Variants in SMG1 observed in about 807,000 individuals in gnomAD.
SMG1 encodes the protein SMG1 nonsense mediated mRNA decay associated PI3K related kinase.
Under a neutral mutation model 419.9 loss-of-function variants are expected in SMG1, and 22 were observed. The observed-to-expected ratio is 0.05, with a 90% CI of 0.04 to 0.07. The LOEUF is 0.07. Among genes scored for constraint, SMG1 ranks in the 10% least tolerant of loss-of-function variants. SMG1 has a pLI of 1.00. For missense variants in SMG1, 3,185 were observed against 4,342.0 expected (o/e 0.73, Z 7.49); for synonymous variants, 1,538 against 1,553.5 (o/e 0.99, Z 0.23).
chr16:18,845,251 A>G (rs769526746), intron 39 of SMG1, among the ~76,000 whole-genome samples, 178 bp downstream of exon 39: 1 of 152,216 alleles, frequency 6.6e-6, no homozygotes, highest in Non-Finnish European at 1.5e-5. Flanking sequence ...ACTGATTTCC[A>G]AATTCTTAAA....
chr16:18,884,483 C>T (rs1030345259), intron 8 of SMG1, among the ~76,000 whole-genome samples: 2 of 152,126 alleles, frequency 1.3e-5, no homozygotes, highest in African/African-American at 4.8e-5. Context: ...CTACCATTGG[C>T]CCAGCTAATC....
chr16:18,910,882 G>A (rs866441275), intron 1 of SMG1, among the ~76,000 whole-genome samples: 26 of 152,078 alleles, frequency 1.7e-4, no homozygotes, highest in Middle Eastern at 3.4e-3. Flanking sequence ...CTACACCAGA[G>A]GGAAAAAAGC....
At chr16:18,910,568 T>C (rs541126325) in intron 1 of SMG1, among the ~76,000 whole-genome samples, 2 of 152,048 alleles carry the variant, frequency 1.3e-5, no homozygotes, top group East Asian at 3.9e-4. Context: ...TCTCACTATG[T>C]TACCCAGGCT....
intron 18 of SMG1, among the ~76,000 whole-genome samples, 186 bp from the exon 19 acceptor site, chr16:18,870,180 T>C (rs755727013): frequency 3.0e-4 from 45 of 152,188 alleles, no homozygotes; most frequent in Non-Finnish European, 5.6e-4. Context: ...AGATGGGTAA[T>C]GTGCTGACAT....
rs1279415305 is a variant in SMG1 at position 18,835,116 on chromosome 16, G to A, written c.8106C>T (p.Phe2702=). ...APQPPPTVCQ[F]ITATEMTLQR... Reference sequence around the variant, plus strand: ...GCAGGGTCATTTCAGTGGCAGTGATGAACTGACACACTGTTGGGGGTGGCT... The same window carrying A: ...GCAGGGTCATTTCAGTGGCAGTGATAAACTGACACACTGTTGGGGGTGGCT... The change falls in exon 49 of 63, where the codon TTC becomes TTT. Residue 2702 remains phenylalanine (F), a synonymous_variant. Transcript: ENST00000446231. 3 of 1,613,678 alleles carry A rather than the reference G, an allele frequency of 1.9e-6. No homozygotes were observed. The highest frequency in any genetic ancestry group is 2.2e-5 in the East Asian group (1 of 44,876).
At position 18,838,484 on chromosome 16, in the gene SMG1, T is replaced by G. The variant is rs1266391207; in HGVS notation, c.7085-18A>C. On this transcript the variant is annotated intron_variant, in intron 43 of 62. Transcript: ENST00000446231. ...GCTTTTACCTTGAAAAGACAAATCA[T>G]TATATTTTTGCCCTTTCACCAAAAA... 15 of 1,613,860 alleles carry G rather than the reference T, an allele frequency of 9.3e-6. No homozygotes were observed. In the East Asian group the frequency reaches 3.3e-4, roughly 36 times the overall value.
intron 8 of SMG1, 72 bp downstream of exon 8, chr16:18,885,018 T>C (rs1432158479): frequency 7.7e-6 from 5 of 650,514 alleles, no homozygotes; most frequent in African/African-American, 3.7e-5. Context: ...ATGGTATTGA[T>C]AGATGGTCAC....
In SMG1 at chr16:18,866,773, C is replaced by T; in HGVS notation, c.3198G>A (p.Gly1066=). The T allele has an allele frequency of 6.3e-7, 1 of 1,597,002 alleles. No individual in the cohort carries two copies. The highest frequency in any genetic ancestry group is 1.3e-5 in the African/African-American group (1 of 74,960). Residue 1066 remains glycine (G), a splice_region_variant and synonymous_variant, in exon 23 of 63, where the codon GGG becomes GGA. Transcript: ENST00000446231. The stretch of plus-strand genomic sequence containing the variant: ...TCATAATGGTTACTTCCAATTCATT[C>T]CCCTGAAAACGCATTCAGAAAAATT... The part of the protein sequence containing the change: ...TEMKTTSLSQ[G]NELEVTIMMV...
chr16:18,879,294 T>C (rs1261273561), intron 11 of SMG1: 2 of 557,970 alleles, frequency 3.6e-6, no homozygotes, highest in East Asian at 6.2e-5. Context: ...TTTTGACTTT[T>C]TGTACAGATG....
intron 11 of SMG1, chr16:18,879,223 C>T: frequency 2.3e-6 from 1 of 439,426 alleles, no homozygotes; most frequent in African/African-American, 2.0e-5. Flanking sequence ...TTAATCGATC[C>T]TCCTCCCTCA....
At chr16:18,861,962 T>C (rs2035242368) in intron 25 of SMG1, among the ~76,000 whole-genome samples, 1 of 152,158 alleles carries the variant, frequency 6.6e-6, no homozygotes, top group Admixed American at 6.6e-5. Context: ...CAACCTCTGC[T>C]TTCTAGTGGC....
At chr16:18,854,967 G>T (rs2034816602) in intron 29 of SMG1, 63 bp from the exon 30 acceptor site, 7 of 1,513,378 alleles carry the variant, frequency 4.6e-6, no homozygotes, top group Non-Finnish European at 6.2e-6. Flanking sequence ...ATGGAAACAT[G>T]GCCAAAAAAT....
At chr16:18,881,371 GTTTCA>G (rs67280037) in intron 10 of SMG1, among the ~76,000 whole-genome samples, 46,175 of 151,564 alleles carry the variant, frequency 0.3, 7,734 homozygotes, top group Non-Finnish European at 0.38. Flanking sequence ...CAATATGCTG[GTTTCA>G]TTTAAGTTCT....
intron 7 of SMG1, 93 bp downstream of exon 7, chr16:18,885,448 C>A: frequency 6.8e-7 from 1 of 1,470,162 alleles, no homozygotes; most frequent in Non-Finnish European, 9.4e-7. Flanking sequence ...TTCAAAGGAG[C>A]TGAGGCATTG....
At chr16:18,871,852 T>C (rs906327816) in intron 15 of SMG1, among the ~76,000 whole-genome samples, 3 of 151,850 alleles carry the variant, frequency 2.0e-5, no homozygotes, top group African/African-American at 4.8e-5. Flanking sequence ...GGCAGGAGAA[T>C]TGCTTGAACC....
At chr16:18,911,476 C>T (rs2037790574) in intron 1 of SMG1, 1 of 152,064 alleles carries the variant, frequency 6.6e-6, no homozygotes. Flanking sequence ...CCATTGCACT[C>T]CAGCCTGGGG....
At chr16:18,905,770 C>CG in intron 1 of SMG1, among the ~76,000 whole-genome samples, 1 of 151,942 alleles carries the variant, frequency 6.6e-6, no homozygotes, top group Non-Finnish European at 1.5e-5. Context: ...TGCTACCACA[C>CG]CCGGCTAATT....
At chr16:18,809,821 G>C (rs1298042466) in intron 62 of SMG1, among the ~76,000 whole-genome samples, 175 bp from the exon 63 acceptor site, 1 of 151,930 alleles carries the variant, frequency 6.6e-6, no homozygotes, top group African/African-American at 2.4e-5. Flanking sequence ...AGAATAAAAA[G>C]CACAATAACC....
intron 23 of SMG1, among the ~76,000 whole-genome samples, chr16:18,864,746 G>C (rs2035407420): frequency 6.6e-6 from 1 of 151,936 alleles, no homozygotes; most frequent in Non-Finnish European, 1.5e-5. Flanking sequence ...CCAAGTACTG[G>C]GATTTCAGGC....
Sources: allele counts gnomAD v4.1 joint callset (sites outside exome capture counted in the v4.1 genomes callset), GRCh38; gene constraint gnomAD v4.1.1; transcripts MANE v1.5; gene names NCBI Gene and HGNC (gene_info 2026-07-23, HGNC 2026-07-21).